The following CCND1 variants were observed in gnomAD, a reference collection of about 807,000 sequenced individuals.
CCND1 encodes the protein cyclin D1, also known as G1/S-specific cyclin-D1.
CCND1 carries 9 observed loss-of-function variants against 26.1 expected under a neutral mutation model. That is an observed-to-expected ratio of 0.35 (90% CI 0.21 to 0.60). The LOEUF (loss-of-function observed/expected upper bound fraction) is 0.60, where lower values mean the gene tolerates loss of function less well. Among genes scored for constraint, CCND1 ranks in the 20% least tolerant of loss-of-function variants. The probability of loss-of-function intolerance (pLI) is 0.79; values close to 1 mark genes in which losing one functional copy is unlikely to be tolerated. For missense variants in CCND1, 335 were observed against 392.9 expected, an observed-to-expected ratio of 0.85 and a Z score of 1.25; for synonymous variants, 194 against 166.1, an observed-to-expected ratio of 1.17 and a Z score of -1.29.
chr11:69,654,456 T>A lies in CCND1; in HGVS notation c.*3174T>A. The A allele has an allele frequency of 1.5e-6, 1 of 656,870 alleles. No homozygotes were observed. The highest frequency in any genetic ancestry group is 2.8e-6 in the Non-Finnish European group (1 of 360,484). 40.7% of individuals were successfully genotyped at this position (656,870 alleles called of 1,614,324 possible). A position where few individuals can be genotyped will look rare whatever the true frequency, so the allele number is the denominator to read the frequency against. ...AAAGACAAACATGAAAGTCTAGAAA[T>A]AAAACTGGTAAAACCCCAGCGTGGT... is the stretch of plus-strand genomic sequence containing the variant. On this transcript the variant is annotated 3_prime_UTR_variant, in exon 5 of 5. Coordinates refer to ENST00000227507, the MANE Select transcript of CCND1 (RefSeq NM_053056.3). The surrounding 1 kb of genome is among the most constrained non-coding windows in gnomAD (Gnocchi z 6.3).
At chr11:69,647,794 C>T (rs1037834244) in intron 3 of CCND1, among the ~76,000 whole-genome samples, 200 bp from the exon 4 acceptor site, 5 of 152,142 alleles carry the variant, frequency 3.3e-5, no homozygotes, top group South Asian at 4.1e-4. Context: ...CAGGAGGGTC[C>T]GTGGGCCAGG....
rs2120080961 is a variant in CCND1, at chr11:69,641,430, G to A, written c.117G>A (p.Ala39=). The A allele has an allele frequency of 6.2e-7, 1 of 1,613,456 alleles. No individual in the cohort carries two copies. The highest frequency in any genetic ancestry group is 1.1e-5 in the South Asian group (1 of 91,086). Residue 39 remains alanine (A), a synonymous_variant, in exon 1 of 5, where the codon GCG becomes GCA. Transcript: ENST00000227507. ...TGCTGAAGGCGGAGGAGACCTGCGC[G>A]CCCTCGGTGTCCTACTTCAAATGTG... ...RAMLKAEETC[A]PSVSYFKCVQ... is the part of the protein sequence containing the mutation.
Position 69,651,155 on chromosome 11 carries a change from T to G in CCND1, c.761T>G (p.Leu254Arg). ...LRACQEQIEA[L>R]LESSLRQAQQ... ...GCCTGCCAGGAGCAGATCGAAGCCC[T>G]GCTGGAGTCAAGCCTGCGCCAGGCC... Residue 254 changes from leucine to arginine, a missense_variant, in exon 5 of 5, where the codon CTG becomes CGG. Leu to Arg is a moderately radical substitution (Grantham distance 102). Coordinates refer to ENST00000227507, the MANE Select transcript of CCND1 (RefSeq NM_053056.3). 6.2e-7 allele frequency: 1 copy of G among 1,613,158 alleles called. No homozygotes were observed. Among genetic ancestry groups the G allele is most frequent in the Non-Finnish European group, 8.5e-7 (1 of 1,179,514 alleles).
intron 4 of CCND1, among the ~76,000 whole-genome samples, chr11:69,649,649 T>G (rs1336611246): frequency 6.6e-6 from 1 of 152,244 alleles, no homozygotes; most frequent in Non-Finnish European, 1.5e-5. Context: ...TTGGAGCTTC[T>G]GGCTGTGGGA....
rs1855865057 is a variant in CCND1, at chr11:69,652,211, C to T, written c.*929C>T. 2 of 233,630 alleles carry T rather than the reference C, an allele frequency of 8.6e-6. No individual in the cohort carries two copies. 14.5% of individuals were successfully genotyped at this position (233,630 alleles called of 1,614,324 possible). The stretch of plus-strand genomic sequence containing the variant: ...GAGATGCTGGTTTTCTACCCAACGG[C>T]CCTGCAGCCAGCTCACGTCCAGGTT... On this transcript the variant is annotated 3_prime_UTR_variant, in exon 5 of 5. Coordinates refer to ENST00000227507, the MANE Select transcript of CCND1 (RefSeq NM_053056.3).
At chr11:69,649,624 G>A (rs1053413142) in intron 4 of CCND1, among the ~76,000 whole-genome samples, 1 of 152,260 alleles carries the variant, frequency 6.6e-6, no homozygotes, top group African/African-American at 2.4e-5. Context: ...TTTCGCGGAG[G>A]AGCGTGCTGC....
At chr11:69,642,384 C>T (rs1254897872) in intron 1 of CCND1, among the ~76,000 whole-genome samples, 1 of 151,258 alleles carries the variant, frequency 6.6e-6, no homozygotes, top group Non-Finnish European at 1.5e-5. Flanking sequence ...TTTGAAAGTG[C>T]GGCGTGGTGC....
intron 3 of CCND1, among the ~76,000 whole-genome samples, chr11:69,646,782 G>A (rs933841679): frequency 4.6e-5 from 7 of 152,304 alleles, no homozygotes; most frequent in Admixed American, 6.5e-5. Flanking sequence ...GGCATTCCCC[G>A]CCACAAACCA....
At chr11:69,650,818 C>T (rs556461500) in intron 4 of CCND1, among the ~76,000 whole-genome samples, 6 of 150,726 alleles carry the variant, frequency 4.0e-5, no homozygotes, top group Admixed American at 2.0e-4. Context: ...GCGGTGAAGG[C>T]GCTGTTGGAC....
rs201012923 is a variant in CCND1, at chr11:69,647,996, G to A, written c.577G>A (p.Val193Met). 5 of 1,613,850 alleles carry A rather than the reference G, an allele frequency of 3.1e-6. No individual in the cohort carries two copies. The highest frequency in any genetic ancestry group is 1.7e-5 in the Admixed American group (1 of 60,032). ...QTFVALCATD[V>M]KFISNPPSMV... is the part of the protein sequence containing the mutation. ...TTCCCTCTCTCCTTCTGCCTCAGATGTGAAGTTCATTTCCAATCCGCCCTC... is the reference window on the plus strand; with the variant it reads ...TTCCCTCTCTCCTTCTGCCTCAGATATGAAGTTCATTTCCAATCCGCCCTC... The change falls in exon 4 of 5, where the codon GTG (valine) becomes ATG (methionine). Residue 193 changes from valine to methionine, a missense_variant and splice_region_variant. Transcript: ENST00000227507.
In CCND1 at chr11:69,643,939, C is replaced by G. The variant is rs374062310; in HGVS notation, c.522C>G (p.Asn174Lys). The change falls in exon 3 of 5, where the codon AAC (asparagine) becomes AAG (lysine). Residue 174 changes from asparagine to lysine, a missense_variant. Transcript: ENST00000227507. Reference sequence around the variant, plus strand: ...CCAAAATGCCAGAGGCGGAGGAGAACAAACAGATCATCCGCAAACACGCGC... The same window carrying G: ...CCAAAATGCCAGAGGCGGAGGAGAAGAAACAGATCATCCGCAAACACGCGC... The part of the protein sequence containing the change: ...FLSKMPEAEE[N>K]KQIIRKHAQT... 1 of 1,613,532 alleles carries G rather than the reference C, an allele frequency of 6.2e-7. No individual in the cohort carries two copies. The highest frequency in any genetic ancestry group is 2.2e-5 in the East Asian group (1 of 44,866).
At chr11:69,648,844 C>T (rs897942343) in intron 4 of CCND1, among the ~76,000 whole-genome samples, 2 of 151,884 alleles carry the variant, frequency 1.3e-5, no homozygotes, top group Admixed American at 1.3e-4. Context: ...TGGCTCTGGC[C>T]TGGGCCGCCT....
At chr11:69,643,429 C>T (rs941686328) in intron 2 of CCND1, 183 bp downstream of exon 2, 28 of 510,814 alleles carry the variant, frequency 5.5e-5, no homozygotes, top group African/African-American at 3.7e-4. Context: ...GCCCTCGTCC[C>T]GCCGCCCTGT....
intron 3 of CCND1, among the ~76,000 whole-genome samples, chr11:69,646,699 A>G (rs1389535454): frequency 6.6e-6 from 1 of 152,196 alleles, no homozygotes; most frequent in East Asian, 1.9e-4. Flanking sequence ...GGTGGGGGCC[A>G]GGCCAAGAGG....
intron 3 of CCND1, among the ~76,000 whole-genome samples, chr11:69,647,074 G>T (rs1425601152): frequency 6.6e-6 from 1 of 152,172 alleles, no homozygotes; most frequent in Non-Finnish European, 1.5e-5. Flanking sequence ...CCCTCCTGGG[G>T]CCCGGCTCCC....
At chr11:69,648,943 T>A (rs1855821349) in intron 4 of CCND1, among the ~76,000 whole-genome samples, 1 of 152,092 alleles carries the variant, frequency 6.6e-6, no homozygotes, top group Non-Finnish European at 1.5e-5. Flanking sequence ...CCCTGCCTAG[T>A]GGTGCCTCTG....
chr11:69,647,864 C>G (rs999508640), intron 3 of CCND1, 130 bp from the exon 4 acceptor site: 4 of 1,019,368 alleles, frequency 3.9e-6, no homozygotes, highest in Non-Finnish European at 5.7e-6. Context: ...GATGTGGAGC[C>G]TCAGATACCG....
At chr11:69,641,948 C>T (rs971661956) in intron 1 of CCND1, among the ~76,000 whole-genome samples, 6 of 151,764 alleles carry the variant, frequency 4.0e-5, no homozygotes, top group Non-Finnish European at 8.8e-5. Context: ...GCAAGGGCCG[C>T]TCGTGCCAGT....
Position 69,651,505 on chromosome 11 carries a change from G to GAA in CCND1, c.*232_*233dup, listed in dbSNP as rs200641419. On this transcript the variant is annotated 3_prime_UTR_variant, in exon 5 of 5. Transcript: ENST00000227507. ...AAACTGTCTTTAAAAGAGAGAGAGA[G>GAA]AAAAAAAAAATAGTATTTGCATAAC... 3.1e-5 allele frequency: 12 copies of GAA among 382,604 alleles called. No homozygotes were observed. Among genetic ancestry groups the GAA allele is most frequent in the African/African-American group, 1.7e-4 (8 of 47,250 alleles). The allele number at this position is 382,604 out of a possible 1,614,324, so 23.7% of individuals were successfully genotyped here.
Sources: allele counts gnomAD v4.1 joint callset (sites outside exome capture counted in the v4.1 genomes callset), GRCh38; gene constraint gnomAD v4.1.1; non-coding constraint Gnocchi (gnomAD v3.1); transcripts MANE v1.5; gene names NCBI Gene and HGNC (gene_info 2026-07-23, HGNC 2026-07-21).